The following NLGN1 variants were observed in gnomAD, a reference collection of about 807,000 sequenced individuals.
NLGN1 encodes neuroligin-1.
In NLGN1, 12 loss-of-function variants were observed where a neutral mutation model predicts 65.5. That is an observed-to-expected ratio of 0.18 (90% CI 0.12 to 0.30). The LOEUF (loss-of-function observed/expected upper bound fraction) is 0.30. Among genes scored for constraint, NLGN1 ranks in the 10% least tolerant of loss-of-function variants. The pLI, the probability that NLGN1 is intolerant of heterozygous loss-of-function variation, is 1.00. For synonymous variants in NLGN1, 350 were observed against 359.5 expected (o/e 0.97, Z 0.30); for missense variants, 750 against 1,007.1 (o/e 0.74, Z 3.46).
intron 4 of NLGN1, among the ~76,000 whole-genome samples, chr3:173,924,273 C>T (rs370003154): frequency 2.0e-5 from 3 of 152,140 alleles, no homozygotes; most frequent in East Asian, 3.9e-4. Context: ...TATTTATATA[C>T]ATATTTTCAT....
chr3:173,649,932 A>T (rs369473533), intron 3 of NLGN1, among the ~76,000 whole-genome samples: 1 of 152,086 alleles, frequency 6.6e-6, no homozygotes, highest in Non-Finnish European at 1.5e-5. Flanking sequence ...TATTTCTCCC[A>T]TAATAATCTT....
intron 4 of NLGN1, among the ~76,000 whole-genome samples, chr3:173,946,861 A>T (rs992807071): frequency 6.6e-5 from 10 of 152,128 alleles, no homozygotes; most frequent in Admixed American, 5.2e-4. Flanking sequence ...CATTTCATTG[A>T]GACAAGAAAA....
At chr3:174,196,412 A>G (rs1397282615) in intron 4 of NLGN1, among the ~76,000 whole-genome samples, 1 of 152,114 alleles carries the variant, frequency 6.6e-6, no homozygotes, top group Admixed American at 6.5e-5. Context: ...TATTACATTT[A>G]TTTGTAAACT....
chr3:173,869,176 T>C (rs1730730491), intron 4 of NLGN1, among the ~76,000 whole-genome samples: 1 of 152,262 alleles, frequency 6.6e-6, no homozygotes, highest in East Asian at 1.9e-4. Flanking sequence ...AAATGGCAAA[T>C]AGCATTAAAT....
chr3:173,568,868 A>G (rs1250389703), intron 2 of NLGN1, among the ~76,000 whole-genome samples: 2 of 151,780 alleles, frequency 1.3e-5, no homozygotes, highest in East Asian at 3.9e-4. Context: ...TTTAGTAGAG[A>G]CGGGGTTTCA....
intron 2 of NLGN1, among the ~76,000 whole-genome samples, chr3:173,568,747 C>T (rs941105792): frequency 2.6e-5 from 4 of 152,078 alleles, no homozygotes; most frequent in African/African-American, 7.2e-5. Context: ...ACTATCGGCT[C>T]GCTGCAAGCT....
chr3:173,888,890 T>A (rs1040593042), intron 4 of NLGN1, among the ~76,000 whole-genome samples: 4 of 152,134 alleles, frequency 2.6e-5, no homozygotes, highest in African/African-American at 9.7e-5. Context: ...TATTGACAGC[T>A]CACCATTTAC....
upstream of NLGN1, among the ~76,000 whole-genome samples, chr3:173,396,891 C>G (rs1716713996): frequency 6.6e-6 from 1 of 152,146 alleles, no homozygotes; most frequent in Admixed American, 6.5e-5. Flanking sequence ...GTATAATCGT[C>G]TATTTGAGTT....
At chr3:173,815,613 C>T (rs556866243) in intron 4 of NLGN1, among the ~76,000 whole-genome samples, 1 of 152,216 alleles carries the variant, frequency 6.6e-6, no homozygotes, top group African/African-American at 2.4e-5. Context: ...GTCTCAGTCT[C>T]CTTTGCTGAC....
At chr3:173,776,066 A>T (rs1263746670) in intron 3 of NLGN1, among the ~76,000 whole-genome samples, 1 of 152,028 alleles carries the variant, frequency 6.6e-6, no homozygotes, top group Non-Finnish European at 1.5e-5. Flanking sequence ...TCTTTCCTTC[A>T]TCTTTTTACT....
At chr3:174,080,790 G>C (rs1411743200) in intron 4 of NLGN1, among the ~76,000 whole-genome samples, 2 of 150,584 alleles carry the variant, frequency 1.3e-5, no homozygotes, top group Non-Finnish European at 3.0e-5. Flanking sequence ...GTTTTGTTTT[G>C]CTTTGCTTTT....
At chr3:173,403,388 A>G (rs886098744) in intron 1 of NLGN1, among the ~76,000 whole-genome samples, 2 of 152,170 alleles carry the variant, frequency 1.3e-5, no homozygotes, top group African/African-American at 4.8e-5. Context: ...TGTTTGTCAT[A>G]TGATTTCACC....
intron 4 of NLGN1, among the ~76,000 whole-genome samples, chr3:173,972,520 A>T (rs533505035): frequency 6.6e-6 from 1 of 152,256 alleles, no homozygotes; most frequent in African/African-American, 2.4e-5. Context: ...TAGAATCCAC[A>T]TTTAGGAAAA....
At chr3:173,780,893 G>C (rs1781021248) in intron 3 of NLGN1, among the ~76,000 whole-genome samples, 1 of 152,100 alleles carries the variant, frequency 6.6e-6, no homozygotes, top group Non-Finnish European at 1.5e-5. Context: ...TGTAATCCCA[G>C]CACTTTGGGA....
intron 4 of NLGN1, among the ~76,000 whole-genome samples, chr3:174,019,416 G>A (rs1727272473): frequency 6.6e-6 from 1 of 152,092 alleles, no homozygotes; most frequent in Non-Finnish European, 1.5e-5. Flanking sequence ...CTCCCACCAT[G>A]TTATAACAGT....
chr3:173,608,003 C>T (rs1751653297), intron 3 of NLGN1, among the ~76,000 whole-genome samples: 2 of 151,714 alleles, frequency 1.3e-5, no homozygotes, highest in Non-Finnish European at 2.9e-5. Context: ...TTCCTAATTG[C>T]CAATTACAAG....
intron 4 of NLGN1, among the ~76,000 whole-genome samples, chr3:174,214,059 G>A (rs938460552): frequency 8.6e-5 from 13 of 151,948 alleles, no homozygotes; most frequent in African/African-American, 2.4e-4. Context: ...TTGACTTACC[G>A]TAAGGGGTTT....
At chr3:173,770,439 A>T (rs555858755) in intron 3 of NLGN1, among the ~76,000 whole-genome samples, 55 of 152,322 alleles carry the variant, frequency 3.6e-4, no homozygotes, top group Middle Eastern at 6.8e-3. Context: ...AATAGATTTT[A>T]AAAGTTTTAT....
At chr3:173,685,515 C>A (rs1387812415) in intron 3 of NLGN1, 1 of 285,994 alleles carries the variant, frequency 3.5e-6, no homozygotes, top group African/African-American at 2.3e-5. Context: ...TTAATAGTTA[C>A]CACTGTTGTA....
Sources: gnomAD v4.1 joint callset for allele counts (sites outside exome capture counted in the v4.1 genomes callset) on GRCh38, gnomAD v4.1.1 for gene constraint, MANE v1.5 for transcripts, NCBI Gene and HGNC (gene_info 2026-07-23, HGNC 2026-07-21) for gene names.